Variants in SBF2 observed in about 807,000 individuals in gnomAD.
SBF2 encodes SET binding factor 2.
In SBF2, 112 loss-of-function variants were observed where a neutral mutation model predicts 225.2. The observed-to-expected ratio is 0.50, with a 90% CI of 0.43 to 0.58. The LOEUF is 0.58. Among genes scored for constraint, SBF2 ranks in the 20% least tolerant of loss-of-function variants. The pLI is 0.00. For missense variants in SBF2, 1,996 were observed against 2,206.2 expected (o/e 0.90, Z 1.91); for synonymous variants, 763 against 773.3 (o/e 0.99, Z 0.22).
In SBF2 at chr11:9,958,947, G is replaced by T. The variant is rs140976707; in HGVS notation, c.1860+3010C>A. Reference sequence around the variant, plus strand: ...AAGTCGTTGATGTTAGAAGTTTCATGGGAATGTGGATGTGGTACTGCTGTT... The same window carrying T: ...AAGTCGTTGATGTTAGAAGTTTCATTGGAATGTGGATGTGGTACTGCTGTT... On this transcript the variant is annotated intron_variant, in intron 16 of 39. Transcript: ENST00000256190. 876 of 701,034 alleles carry T rather than the reference G, an allele frequency of 1.2e-3. 17 individuals are homozygous for T. The East Asian group carries it at 0.017, about 14-fold the overall frequency. The allele number at this position is 701,034 out of a possible 1,614,324, so 43.4% of individuals were successfully genotyped here.
At chr11:9,889,229 C>T (rs1055260855) in intron 17 of SBF2, among the ~76,000 whole-genome samples, 3 of 152,184 alleles carry the variant, frequency 2.0e-5, no homozygotes, top group African/African-American at 7.2e-5. Context: ...ACACAAATGA[C>T]ACAAGTGACT....
At chr11:10,228,732 T>C (rs1184957576) in intron 1 of SBF2, among the ~76,000 whole-genome samples, 3 of 152,212 alleles carry the variant, frequency 2.0e-5, no homozygotes, top group Non-Finnish European at 4.4e-5. Context: ...CAGTATTTTA[T>C]TGAGGATTTT....
At chr11:9,805,810 GAT>G (rs1341716082) in intron 32 of SBF2, among the ~76,000 whole-genome samples, 18 of 152,212 alleles carry the variant, frequency 1.2e-4, no homozygotes, top group Admixed American at 4.6e-4. Flanking sequence ...TTTTAGTAGA[GAT>G]GGGGTTTCAC....
chr11:9,885,931 G>C (rs1397362635), intron 17 of SBF2, among the ~76,000 whole-genome samples: 1 of 152,064 alleles, frequency 6.6e-6, no homozygotes, highest in Non-Finnish European at 1.5e-5. Flanking sequence ...GATGGGATGC[G>C]TTCTCCCTTC....
intron 13 of SBF2, among the ~76,000 whole-genome samples, chr11:9,987,612 C>A (rs1333062382): frequency 2.6e-5 from 4 of 152,116 alleles, no homozygotes; most frequent in Admixed American, 1.3e-4. Flanking sequence ...AGAAGCTCTT[C>A]AATAAACCAA....
rs117705703 is a variant in SBF2, at chr11:10,029,978, T to G, written c.403-103A>C. On this transcript the variant is annotated intron_variant, in intron 4 of 39. Coordinates refer to ENST00000256190, the MANE Select transcript of SBF2 (RefSeq NM_030962.4). ...CGATTTCTCTTTGAACCCAGTAAAGTATATTATACAGTGAACATGGAATAC... is the reference window on the plus strand; with the variant it reads ...CGATTTCTCTTTGAACCCAGTAAAGGATATTATACAGTGAACATGGAATAC... The G allele has an allele frequency of 3.6e-6, 3 of 823,004 alleles. No individual in the cohort carries two copies. The East Asian group carries it at 7.3e-5, about 20-fold the overall frequency. 51.0% of individuals were successfully genotyped at this position (823,004 alleles called of 1,614,324 possible).
rs576656127 is a variant in SBF2 at position 10,219,234 on chromosome 11, T to C, written c.56-25247A>G. Among the ~76,000 whole-genome samples, 248 of 152,330 alleles carry C rather than the reference T, an allele frequency of 1.6e-3. 1 individual carries two copies. Among genetic ancestry groups the C allele is most frequent in the Admixed American group, 2.7e-3 (41 of 15,310 alleles). ...GGTTCAACAAACCTCAATTCTTGAC[T>C]TTTGTGTACCCACAGGCTCAACACC... is the stretch of plus-strand genomic sequence containing the variant. On this transcript the variant is annotated intron_variant, in intron 1 of 39. Coordinates refer to ENST00000256190, the MANE Select transcript of SBF2 (RefSeq NM_030962.4).
intron 1 of SBF2, among the ~76,000 whole-genome samples, chr11:10,275,807 T>A (rs1352959927): frequency 6.6e-6 from 1 of 152,134 alleles, no homozygotes; most frequent in Non-Finnish European, 1.5e-5. Flanking sequence ...TTTTTAATCA[T>A]ACCTACCAGT....
chr11:9,950,904 T>C (rs1337059833), intron 16 of SBF2, among the ~76,000 whole-genome samples: 1 of 152,210 alleles, frequency 6.6e-6, no homozygotes, highest in Non-Finnish European at 1.5e-5. Context: ...AGTGAGAGAC[T>C]ACTCCATGCC....
intron 2 of SBF2, among the ~76,000 whole-genome samples, chr11:10,128,402 G>T (rs1170954464): frequency 2.0e-5 from 3 of 152,182 alleles, no homozygotes; most frequent in Admixed American, 2.0e-4. Flanking sequence ...AAACTCAGAT[G>T]CTTACATTAC....
At chr11:10,003,543 A>G (rs1466008482) in intron 6 of SBF2, among the ~76,000 whole-genome samples, 4 of 151,352 alleles carry the variant, frequency 2.6e-5, no homozygotes, top group African/African-American at 9.7e-5. Context: ...AATTTTTTCT[A>G]TTTTTAGTAG....
chr11:10,042,405 G>A (rs1949687197), intron 3 of SBF2, among the ~76,000 whole-genome samples: 1 of 152,162 alleles, frequency 6.6e-6, no homozygotes, highest in African/African-American at 2.4e-5. Context: ...GCCTGATCAT[G>A]TTGATAATAC....
intron 30 of SBF2, 41 bp from the exon 31 acceptor site, chr11:9,809,043 T>G: frequency 6.7e-7 from 1 of 1,488,030 alleles, no homozygotes; most frequent in Non-Finnish European, 9.4e-7. Flanking sequence ...CCAAGCGCTT[T>G]CTGAGTGCAG....
In SBF2 at chr11:10,131,069, G is replaced by A. The variant is rs145970742; in HGVS notation, c.141+62833C>T. ...AAGAGTACAACTGCTGAGTCATATG[G>A]TTAAGTGTATAGTTAGCATTTTAAG... is the stretch of plus-strand genomic sequence containing the variant. On this transcript the variant is annotated intron_variant, in intron 2 of 39. Coordinates refer to ENST00000256190, the MANE Select transcript of SBF2 (RefSeq NM_030962.4). Among the ~76,000 whole-genome samples, 25 of 152,206 alleles carry A rather than the reference G, an allele frequency of 1.6e-4. No homozygotes were observed. In the East Asian group the frequency reaches 4.4e-3, roughly 27 times the overall value.
At chr11:9,876,186 C>T (rs1859220943) in intron 17 of SBF2, among the ~76,000 whole-genome samples, 1 of 152,154 alleles carries the variant, frequency 6.6e-6, no homozygotes, top group Non-Finnish European at 1.5e-5. Context: ...ACTAAACATA[C>T]TCTTTGCTTT....
intron 2 of SBF2, among the ~76,000 whole-genome samples, chr11:10,157,868 C>T (rs1955547304): frequency 6.6e-6 from 1 of 152,122 alleles, no homozygotes; most frequent in African/African-American, 2.4e-5. Flanking sequence ...CAGAACATTC[C>T]ACCCAACAAC....
intron 2 of SBF2, among the ~76,000 whole-genome samples, chr11:10,171,420 T>G (rs1353563646): frequency 1.3e-5 from 2 of 152,226 alleles, no homozygotes; most frequent in Non-Finnish European, 2.9e-5. Context: ...GTACATTCTG[T>G]TGATAAAATG....
At chr11:10,055,484 C>G (rs1247952796) in intron 2 of SBF2, among the ~76,000 whole-genome samples, 1 of 146,862 alleles carries the variant, frequency 6.8e-6, no homozygotes, top group Non-Finnish European at 1.5e-5. Context: ...AAAGAATCAA[C>G]TTAAGTGCCC....
intron 17 of SBF2, among the ~76,000 whole-genome samples, chr11:9,874,034 G>C (rs571826367): frequency 6.9e-6 from 1 of 145,064 alleles, no homozygotes; most frequent in African/African-American, 2.6e-5. Context: ...ACTCCAGTCT[G>C]GGAGACAAGA....
Sources: gnomAD v4.1 joint callset for allele counts (sites outside exome capture counted in the v4.1 genomes callset) on GRCh38, gnomAD v4.1.1 for gene constraint, MANE v1.5 for transcripts, NCBI Gene and HGNC (gene_info 2026-07-23, HGNC 2026-07-21) for gene names.